Variants in KIF6 observed in about 807,000 individuals in gnomAD.
KIF6 encodes kinesin family member 6.
Under a neutral mutation model 112.7 loss-of-function variants are expected in KIF6, and 106 were observed. That is an observed-to-expected ratio of 0.94 (90% CI 0.80 to 1.11). The LOEUF is 1.11. KIF6 is among the 50% of genes least tolerant of loss of function. The pLI, the probability that KIF6 is intolerant of heterozygous loss-of-function variation, is 0.00. For missense variants in KIF6, 929 were observed against 964.0 expected (o/e 0.96, Z 0.48); for synonymous variants, 339 against 339.9 (o/e 1.00, Z 0.03).
intron 15 of KIF6, among the ~76,000 whole-genome samples, chr6:39,397,892 T>C (rs979018280): frequency 9.9e-5 from 15 of 152,070 alleles, no homozygotes; most frequent in African/African-American, 3.6e-4. Flanking sequence ...CAAGGGCTAA[T>C]ATCAGGAAGG....
chr6:39,553,297 T>C (rs1051810477), intron 10 of KIF6, among the ~76,000 whole-genome samples: 22 of 152,156 alleles, frequency 1.4e-4, no homozygotes, highest in Non-Finnish European at 2.5e-4. Context: ...TCCTATAGAG[T>C]TTTCCTTCTG....
intron 5 of KIF6, among the ~76,000 whole-genome samples, chr6:39,617,206 C>T (rs1042064533): frequency 6.6e-6 from 1 of 152,152 alleles, no homozygotes; most frequent in Non-Finnish European, 1.5e-5. Flanking sequence ...GTGTACTCAG[C>T]CTGCTTAATG....
chr6:39,514,327 T>C (rs907432886), intron 13 of KIF6, among the ~76,000 whole-genome samples: 43 of 152,192 alleles, frequency 2.8e-4, no homozygotes, highest in African/African-American at 8.2e-4. Context: ...GGAAATTAAA[T>C]GGCTCAAATA....
intron 13 of KIF6, among the ~76,000 whole-genome samples, chr6:39,498,793 A>T (rs1347681700): frequency 6.6e-6 from 1 of 152,166 alleles, no homozygotes; most frequent in Non-Finnish European, 1.5e-5. Context: ...ACAGCATTTT[A>T]AAAATTGTTA....
chr6:39,428,991 T>C (rs992065743), intron 14 of KIF6, among the ~76,000 whole-genome samples: 2 of 152,182 alleles, frequency 1.3e-5, no homozygotes, highest in Non-Finnish European at 2.9e-5. Flanking sequence ...GAGAACTTCT[T>C]GGGAAATAGA....
intron 13 of KIF6, among the ~76,000 whole-genome samples, chr6:39,517,854 C>T (rs1777167817): frequency 6.6e-6 from 1 of 152,128 alleles, no homozygotes; most frequent in African/African-American, 2.4e-5. Flanking sequence ...CCTATCTCCT[C>T]GTAGGACATT....
intron 13 of KIF6, among the ~76,000 whole-genome samples, chr6:39,513,106 A>T (rs1245778094): frequency 6.6e-6 from 1 of 152,096 alleles, no homozygotes; most frequent in Non-Finnish European, 1.5e-5. Flanking sequence ...TACAAACTTC[A>T]TGTTTGTTGT....
At chr6:39,481,574 A>G (rs1208700487) in intron 13 of KIF6, among the ~76,000 whole-genome samples, 1 of 152,130 alleles carries the variant, frequency 6.6e-6, no homozygotes, top group East Asian at 1.9e-4. Context: ...TAATCTTCCC[A>G]AATACCTTGT....
chr6:39,370,724 T>G (rs746820974), intron 16 of KIF6, among the ~76,000 whole-genome samples: 5 of 151,838 alleles, frequency 3.3e-5, no homozygotes, highest in Non-Finnish European at 5.9e-5. Flanking sequence ...TTGGGGGTGG[T>G]GTGTGTGGAG....
At position 39,715,991 on chromosome 6, in the gene KIF6, A is replaced by AATG. The variant is rs142030564; in HGVS notation, c.177-1228_177-1226dup. Reference sequence around the variant, plus strand: ...GCACATATTCTCAGCTTTTGAGGAGAATGATGATAACGCTGGTTCACTTCT... The same window carrying AATG: ...GCACATATTCTCAGCTTTTGAGGAGAATGATGATGATAACGCTGGTTCACTTCT... On this transcript the variant is annotated intron_variant, in intron 2 of 22. Transcript: ENST00000287152. 6.0e-4 allele frequency among the ~76,000 whole-genome samples: 91 copies of AATG among 152,182 alleles called. 4 individuals carry two copies. In the East Asian group the frequency reaches 9.3e-3, roughly 16 times the overall value.
At chr6:39,515,363 C>T (rs16892194) in intron 13 of KIF6, among the ~76,000 whole-genome samples, 42,888 of 152,144 alleles carry the variant, frequency 0.28, 8,256 homozygotes, top group African/African-American at 0.54. Flanking sequence ...CGGACCTTTC[C>T]CTGGCATTTG....
rs1048267100 is a variant in KIF6, at chr6:39,484,464, A to G, written c.1646-53303T>C. 2.6e-5 allele frequency among the ~76,000 whole-genome samples: 4 copies of G among 152,318 alleles called. No individual in the cohort carries two copies. In the South Asian group the frequency reaches 6.2e-4, roughly 24 times the overall value. ...GGAAGGGTCAATTCTGTTAGGACTG[A>G]TAAGGAAGCCACAAGGGAGAGGAAA... On this transcript the variant is annotated intron_variant, in intron 13 of 22. Transcript: ENST00000287152.
At chr6:39,626,542 TCA>T (rs1379808530) in intron 5 of KIF6, among the ~76,000 whole-genome samples, 1 of 152,166 alleles carries the variant, frequency 6.6e-6, no homozygotes, top group East Asian at 1.9e-4. Flanking sequence ...TCTGTGAACC[TCA>T]GTTTTGTCAA....
rs1285336074 is a variant in KIF6 at position 39,335,025 on chromosome 6, C to T, written c.*1507G>A. 1.3e-5 allele frequency: 2 copies of T among 152,198 alleles called. No individual in the cohort carries two copies. Among genetic ancestry groups the T allele is most frequent in the African/African-American group, 2.4e-5 (1 of 41,442 alleles). 9.4% of individuals were successfully genotyped at this position (152,198 alleles called of 1,614,324 possible). On this transcript the variant is annotated 3_prime_UTR_variant, in exon 23 of 23. Coordinates refer to ENST00000287152, the MANE Select transcript of KIF6 (RefSeq NM_145027.6). ...ACACATCTGGGTTCTGGCTCGTCTACTCATGAACTGAAGGACCGTTTACTG... is the reference window on the plus strand; with the variant it reads ...ACACATCTGGGTTCTGGCTCGTCTATTCATGAACTGAAGGACCGTTTACTG...
rs541805008 is a variant in KIF6, at chr6:39,516,911, G to A, written c.1645+23092C>T. Among the ~76,000 whole-genome samples, 5 of 152,272 alleles carry A rather than the reference G, an allele frequency of 3.3e-5. No homozygotes were observed. The South Asian group carries it at 1.0e-3, about 32-fold the overall frequency. On this transcript the variant is annotated intron_variant, in intron 13 of 22. Transcript: ENST00000287152. ...CTAAAATCGCAGGAGTTAACTCTCA[G>A]TTAAATGACAGTTGTACCTGACTTG...
At chr6:39,508,213 G>A (rs376486726) in intron 13 of KIF6, among the ~76,000 whole-genome samples, 19 of 151,900 alleles carry the variant, frequency 1.3e-4, no homozygotes, top group African/African-American at 3.1e-4. Flanking sequence ...GGAGTTCTAC[G>A]TGCATTAAAA....
At chr6:39,470,287 C>A (rs972694699) in intron 13 of KIF6, among the ~76,000 whole-genome samples, 15 of 152,226 alleles carry the variant, frequency 9.9e-5, no homozygotes, top group African/African-American at 3.6e-4. Context: ...GGTGAAAAAA[C>A]CAATGCAGTA....
intron 5 of KIF6, among the ~76,000 whole-genome samples, chr6:39,621,701 T>C (rs1010301475): frequency 1.2e-4 from 18 of 152,244 alleles, no homozygotes; most frequent in African/African-American, 1.7e-4. Context: ...TCCTTGAAGG[T>C]AGGCAGTAAA....
At chr6:39,705,777 G>A (rs1333861461) in intron 3 of KIF6, among the ~76,000 whole-genome samples, 2 of 152,176 alleles carry the variant, frequency 1.3e-5, no homozygotes, top group African/African-American at 4.8e-5. Context: ...CAGTTCCCCA[G>A]TGGGTACCAG....
Sources: gnomAD v4.1 joint callset for allele counts (sites outside exome capture counted in the v4.1 genomes callset) on GRCh38, gnomAD v4.1.1 for gene constraint, MANE v1.5 for transcripts, NCBI Gene and HGNC (gene_info 2026-07-23, HGNC 2026-07-21) for gene names.